EHD3: variants seen among roughly 807,000 people sequenced by gnomAD.
The protein encoded by EHD3 is EH domain containing 3, also known as EH domain-containing protein 3.
Under a neutral mutation model 43.0 loss-of-function variants are expected in EHD3, and 17 were observed. That is an observed-to-expected ratio of 0.40 (90% confidence interval 0.27 to 0.59). The LOEUF (loss-of-function observed/expected upper bound fraction) is 0.59, where lower values mean the gene tolerates loss of function less well. EHD3 is among the 20% of genes least tolerant of loss of function. The probability of loss-of-function intolerance (pLI) is 0.49; values close to 1 mark genes in which losing one functional copy is unlikely to be tolerated. For synonymous variants in EHD3, 313 were observed against 289.5 expected, an observed-to-expected ratio of 1.08 and a Z score of -0.82; for missense variants, 594 against 705.6, an observed-to-expected ratio of 0.84 and a Z score of 1.79.
chr2:31,258,162 G>C (rs1156760092), intron 3 of EHD3, among the ~76,000 whole-genome samples: 3 of 152,184 alleles, frequency 2.0e-5, no homozygotes, highest in Non-Finnish European at 4.4e-5. Flanking sequence ...ATTTACCAAA[G>C]ACAGAGGAGC....
At position 31,268,161 on chromosome 2, in the gene EHD3, A is replaced by G. The variant is rs2148726324; in HGVS notation, c.*1457A>G. The G allele has an allele frequency of 6.5e-6, 1 of 152,688 alleles. No individual in the cohort carries two copies. The highest frequency in any genetic ancestry group is 6.5e-5 in the Admixed American group (1 of 15,296). 9.5% of individuals were successfully genotyped at this position (152,688 alleles called of 1,614,324 possible). On this transcript the variant is annotated 3_prime_UTR_variant, in exon 6 of 6. Coordinates refer to ENST00000322054, the MANE Select transcript of EHD3 (RefSeq NM_014600.3). ...AGTGTCCTTGGCAAATCCCCACTGT[A>G]CTCAATGCCCTACATTCTCTTCTGT... is the stretch of plus-strand genomic sequence containing the variant.
chr2:31,261,524 G>A (rs200833402), intron 4 of EHD3, 25 bp from the exon 5 acceptor site: 9 of 1,613,480 alleles, frequency 5.6e-6, no homozygotes, highest in African/African-American at 5.3e-5. Flanking sequence ...TGATGTGAAG[G>A]CTTCTCTCTG....
At chr2:31,243,733 C>T (rs1336365464) in intron 1 of EHD3, among the ~76,000 whole-genome samples, 2 of 151,956 alleles carry the variant, frequency 1.3e-5, no homozygotes, top group African/African-American at 2.4e-5. Flanking sequence ...GGATTATAGG[C>T]GTGAGCCACC....
At position 31,260,619 on chromosome 2, in the gene EHD3, C is replaced by T; in HGVS notation, c.612C>T (p.Ile204=). 1 of 1,614,214 alleles carries T rather than the reference C, an allele frequency of 6.2e-7. No homozygotes were observed. The highest frequency in any genetic ancestry group is 8.5e-7 in the Non-Finnish European group (1 of 1,180,050). ...TCTCTGATGAGTTCTCAGAAGTCAT[C>T]AAAGCCCTCAAGAACCACGAGGACA... ...LDISDEFSEV[I]KALKNHEDKM... The change falls in exon 4 of 6, where the codon ATC becomes ATT. Residue 204 remains isoleucine, a synonymous_variant. Coordinates refer to ENST00000322054, the MANE Select transcript of EHD3 (RefSeq NM_014600.3). The surrounding 1 kb of genome is among the most constrained non-coding windows in gnomAD (Gnocchi z 4.6).
intron 1 of EHD3, among the ~76,000 whole-genome samples, chr2:31,244,015 G>T (rs568530561): frequency 5.3e-5 from 8 of 149,940 alleles, no homozygotes; most frequent in Admixed American, 1.3e-4. Context: ...TTCTACCCCC[G>T]CCCACCAGCC....
intron 1 of EHD3, among the ~76,000 whole-genome samples, chr2:31,239,395 G>A (rs1255577478): frequency 6.6e-6 from 1 of 152,210 alleles, no homozygotes; most frequent in African/African-American, 2.4e-5. Flanking sequence ...TTCTTACAAG[G>A]CCTAAGTGTT....
In EHD3 at chr2:31,261,538, C is replaced by G; in HGVS notation, c.916-11C>G. 1 of 1,614,038 alleles carries G rather than the reference C, an allele frequency of 6.2e-7. No individual in the cohort carries two copies. The highest frequency in any genetic ancestry group is 8.5e-7 in the Non-Finnish European group (1 of 1,179,934). ...TTGATGTGAAGGCTTCTCTCTGGCC[C>G]TGTTTGTCAGGTCCACGCCTACATC... On this transcript the variant is annotated splice_polypyrimidine_tract_variant and intron_variant, in intron 4 of 5. Coordinates refer to ENST00000322054, the MANE Select transcript of EHD3 (RefSeq NM_014600.3).
intron 5 of EHD3, among the ~76,000 whole-genome samples, chr2:31,265,142 T>C (rs1433003549): frequency 6.6e-6 from 1 of 152,178 alleles, no homozygotes; most frequent in Non-Finnish European, 1.5e-5. Flanking sequence ...CTTCTGGAAT[T>C]CCTCCTGAAG....
At chr2:31,265,209 C>T (rs959159515) in intron 5 of EHD3, among the ~76,000 whole-genome samples, 2 of 152,150 alleles carry the variant, frequency 1.3e-5, no homozygotes, top group Non-Finnish European at 2.9e-5. Flanking sequence ...AGAAAGAATA[C>T]ACCCTAAAAT....
intron 2 of EHD3, among the ~76,000 whole-genome samples, chr2:31,248,094 A>AGTCCACACAAGGTGCTGCACCTTAGATTT (rs1683560572): frequency 1.3e-5 from 2 of 152,192 alleles, no homozygotes; most frequent in Non-Finnish European, 2.9e-5. Context: ...GCTTCACTGC[A>AGTCCACACAAGGTGCTGCACCTTAGATTT]GTCCACACAA....
intron 5 of EHD3, among the ~76,000 whole-genome samples, chr2:31,265,461 G>A (rs376539542): frequency 1.4e-4 from 22 of 152,256 alleles, no homozygotes; most frequent in African/African-American, 5.3e-4. Flanking sequence ...TGGGACCCTC[G>A]TCATACGTGT....
In EHD3 at chr2:31,266,775, C is replaced by G. The variant is rs1683961372; in HGVS notation, c.*71C>G. ...GGAGCGGTGACTACACACACACACA[C>G]ACACACACACACACACACAAACATG... On this transcript the variant is annotated 3_prime_UTR_variant, in exon 6 of 6. Transcript: ENST00000322054. This position sits in a 1 kb window ranked among gnomAD's most constrained non-coding sequence, Gnocchi z 5.1. 1.7e-5 allele frequency: 24 copies of G among 1,391,434 alleles called. No homozygotes were observed. The highest frequency in any genetic ancestry group is 2.3e-5 in the Non-Finnish European group (24 of 1,035,062). The allele number at this position is 1,391,434 out of a possible 1,614,324, so 86.2% of individuals were successfully genotyped here. A position where few individuals can be genotyped will look rare whatever the true frequency, so the allele number is the denominator to read the frequency against.
rs968803270 is a variant in EHD3 at position 31,267,315 on chromosome 2, A to G, written c.*611A>G. The G allele has an allele frequency of 2.0e-5, 3 of 152,214 alleles. No individual in the cohort carries two copies. Among genetic ancestry groups the G allele is most frequent in the South Asian group, 2.1e-4 (1 of 4,830 alleles). 9.4% of individuals were successfully genotyped at this position (152,214 alleles called of 1,614,324 possible). On this transcript the variant is annotated 3_prime_UTR_variant, in exon 6 of 6. Coordinates refer to ENST00000322054, the MANE Select transcript of EHD3 (RefSeq NM_014600.3). ...GGCAAACCTTGCTTTGAACTCTGCC[A>G]GTATTTCATTTTAAAGAATCCCAGA...
intron 3 of EHD3, among the ~76,000 whole-genome samples, chr2:31,251,632 G>C (rs1683637545): frequency 6.6e-6 from 1 of 152,106 alleles, no homozygotes; most frequent in Non-Finnish European, 1.5e-5. Flanking sequence ...CCTGGGAAGG[G>C]GGTCTTGGAA....
chr2:31,239,975 G>C (rs1352329908), intron 1 of EHD3, among the ~76,000 whole-genome samples: 1 of 152,198 alleles, frequency 6.6e-6, no homozygotes, highest in Non-Finnish European at 1.5e-5. Flanking sequence ...TGCCCTGGGC[G>C]GGCTGGCCTG....
chr2:31,257,124 A>G (rs1030962805), intron 3 of EHD3, among the ~76,000 whole-genome samples: 2 of 152,204 alleles, frequency 1.3e-5, no homozygotes, highest in African/African-American at 4.8e-5. Flanking sequence ...AGAAGGCCAG[A>G]GGCCTGGCAG....
At chr2:31,264,347 G>A (rs1478329499) in intron 5 of EHD3, among the ~76,000 whole-genome samples, 1 of 152,164 alleles carries the variant, frequency 6.6e-6, no homozygotes, top group East Asian at 1.9e-4. Context: ...CATGAATGGA[G>A]CTTGCAGAAC....
At chr2:31,236,692 C>T (rs995614510) in intron 1 of EHD3, among the ~76,000 whole-genome samples, 10 of 152,238 alleles carry the variant, frequency 6.6e-5, no homozygotes, top group African/African-American at 2.4e-4. Context: ...TCTGTAGCTT[C>T]TCCTTCCTGG....
At position 31,234,911 on chromosome 2, in the gene EHD3, T is replaced by G; in HGVS notation, c.227+63T>G. On this transcript the variant is annotated intron_variant, in intron 1 of 5. Transcript: ENST00000322054. Reference sequence around the variant, plus strand: ...CCCAGCGCCTAGTCCCTCCGGTCACTCCTGGTGCTCCATCCCAGACAGGGG... The same window carrying G: ...CCCAGCGCCTAGTCCCTCCGGTCACGCCTGGTGCTCCATCCCAGACAGGGG... 2.0e-6 allele frequency: 3 copies of G among 1,479,618 alleles called. 1 individual carries two copies. In the East Asian group the frequency reaches 6.9e-5, roughly 34 times the overall value. 91.7% of individuals were successfully genotyped at this position (1,479,618 alleles called of 1,614,324 possible). A position where few individuals can be genotyped will look rare whatever the true frequency, so the allele number is the denominator to read the frequency against.
Sources: gnomAD v4.1 joint callset for allele counts (sites outside exome capture counted in the v4.1 genomes callset) on GRCh38, gnomAD v4.1.1 for gene constraint, Gnocchi (gnomAD v3.1) non-coding constraint, MANE v1.5 for transcripts, NCBI Gene and HGNC (gene_info 2026-07-23, HGNC 2026-07-21) for gene names.